Variants in ATP10B observed in about 807,000 individuals in gnomAD.
ATP10B encodes phospholipid-transporting ATPase VB.
Under a neutral mutation model 141.2 loss-of-function variants are expected in ATP10B, and 122 were observed. That is an observed-to-expected ratio of 0.86 (90% CI 0.75 to 1.00). The LOEUF (loss-of-function observed/expected upper bound fraction) is 1.00. Ranked by LOEUF, ATP10B falls within the 50% of genes least tolerant of loss-of-function variation. ATP10B has a pLI of 0.00. For synonymous variants in ATP10B, 685 were observed against 692.0 expected (o/e 0.99, Z 0.16); for missense variants, 1,876 against 1,825.3 (o/e 1.03, Z -0.51).
chr5:160,919,093 G>C, the ATP10B span, among the ~76,000 whole-genome samples: 1 of 149,702 alleles, frequency 6.7e-6, no homozygotes, highest in Non-Finnish European at 1.5e-5. Flanking sequence ...GCATGGTGGC[G>C]CGCACCTGTA....
intron 1 of ATP10B, among the ~76,000 whole-genome samples, chr5:160,816,016 T>C (rs1326773896): frequency 6.6e-6 from 1 of 151,786 alleles, no homozygotes; most frequent in African/African-American, 2.4e-5. Flanking sequence ...TAAAGCAGTG[T>C]GTAGAGGGAA....
At chr5:160,760,548 T>C (rs998490062) in intron 2 of ATP10B, among the ~76,000 whole-genome samples, 32 of 152,172 alleles carry the variant, frequency 2.1e-4, no homozygotes, top group African/African-American at 7.7e-4. Flanking sequence ...CTTTTCCAAT[T>C]AAGGTCATTA....
Position 160,687,914 on chromosome 5 carries a change from A to G in ATP10B, c.161T>C (p.Ile54Thr). Residue 54 changes from isoleucine (I) to threonine (T), a missense_variant, in exon 5 of 26, where the codon ATA (isoleucine) becomes ACA (threonine). Ile to Thr is a moderately conservative substitution (Grantham distance 89). Coordinates refer to ENST00000327245, the MANE Select transcript of ATP10B (RefSeq NM_025153.3). Reference protein sequence around the residue: ...QQRVVFPNNSIFHQDWEEVSR... With the variant: ...QQRVVFPNNSTFHQDWEEVSR... ...GACCTCTTCCCAATCTTGATGGAAT[A>G]TGCTGTTGTTGGGGAACACGACCCG... is the stretch of plus-strand genomic sequence containing the variant. The G allele has an allele frequency of 6.2e-7, 1 of 1,614,106 alleles. No individual in the cohort carries two copies. Among genetic ancestry groups the G allele is most frequent in the Non-Finnish European group, 8.5e-7 (1 of 1,180,014 alleles).
chr5:160,852,927 A>G (rs1753881201), upstream of ATP10B, among the ~76,000 whole-genome samples: 2 of 152,172 alleles, frequency 1.3e-5, no homozygotes, highest in African/African-American at 4.8e-5. Flanking sequence ...AATATTACCA[A>G]ACTTAGGAAT....
intron 7 of ATP10B, among the ~76,000 whole-genome samples, chr5:160,662,759 C>T (rs1200497745): frequency 6.6e-6 from 1 of 152,170 alleles, no homozygotes; most frequent in Non-Finnish European, 1.5e-5. Flanking sequence ...GTCTGAAACA[C>T]CAAAAGCAAT....
chr5:160,589,402 A>C (rs761579537), intron 24 of ATP10B, among the ~76,000 whole-genome samples, 190 bp downstream of exon 24: 8 of 152,254 alleles, frequency 5.3e-5, no homozygotes, highest in Non-Finnish European at 1.0e-4. Flanking sequence ...TGGCTAGATG[A>C]AAAGCAAGTT....
chr5:160,893,290 C>T, the ATP10B span, among the ~76,000 whole-genome samples: 1 of 152,184 alleles, frequency 6.6e-6, no homozygotes, highest in Non-Finnish European at 1.5e-5. Flanking sequence ...AAGCTAAGAT[C>T]TACTGGCTTG....
intron 1 of ATP10B, among the ~76,000 whole-genome samples, chr5:160,823,609 C>T (rs1774341654): frequency 2.0e-5 from 3 of 152,296 alleles, no homozygotes; most frequent in South Asian, 4.1e-4. Flanking sequence ...GTAATCCCAA[C>T]ACTTTGGGAG....
At chr5:160,619,680 G>T (rs1199104172) in intron 15 of ATP10B, among the ~76,000 whole-genome samples, 1 of 152,138 alleles carries the variant, frequency 6.6e-6, no homozygotes, top group African/African-American at 2.4e-5. Flanking sequence ...TAGCAATCAG[G>T]AAGCGGCTGC....
chr5:160,676,939 T>C (rs1018041267), intron 6 of ATP10B, among the ~76,000 whole-genome samples: 1 of 152,168 alleles, frequency 6.6e-6, no homozygotes, highest in African/African-American at 2.4e-5. Context: ...AGATGAGTGA[T>C]GGTGGTGGGA....
At chr5:160,590,736 G>A (rs548592478) in intron 23 of ATP10B, among the ~76,000 whole-genome samples, 40 of 152,334 alleles carry the variant, frequency 2.6e-4, no homozygotes, top group African/African-American at 9.4e-4. Context: ...TAAGACAAAG[G>A]GGAGTGGTAG....
At chr5:160,762,712 C>T (rs368639768) in intron 2 of ATP10B, among the ~76,000 whole-genome samples, 1 of 151,906 alleles carries the variant, frequency 6.6e-6, no homozygotes, top group Non-Finnish European at 1.5e-5. Flanking sequence ...CAGTACCTCA[C>T]ATCTCAATAC....
chr5:160,615,910 C>T lies in ATP10B; in HGVS notation c.2581G>A (p.Ala861Thr). Residue 861 changes from alanine (A) to threonine (T), a missense_variant, in exon 17 of 26, where the codon GCA becomes ACA. Ala to Thr is a moderately conservative substitution (Grantham distance 58). Transcript: ENST00000327245. ...RWASFRREAE[A>T]SLDNRDELLM... Reference sequence around the variant, plus strand: ...AGCTCATCTCGGTTGTCGAGGGATGCCTCAGCCTCACGCCGGAAACTGGCC... The same window carrying T: ...AGCTCATCTCGGTTGTCGAGGGATGTCTCAGCCTCACGCCGGAAACTGGCC... The T allele has an allele frequency of 1.2e-6, 2 of 1,613,844 alleles. No homozygotes were observed. The highest frequency in any genetic ancestry group is 1.7e-6 in the Non-Finnish European group (2 of 1,179,848).
At chr5:160,772,974 G>A (rs949001186) in intron 2 of ATP10B, among the ~76,000 whole-genome samples, 6 of 152,192 alleles carry the variant, frequency 3.9e-5, no homozygotes, top group South Asian at 2.1e-4. Flanking sequence ...AACCAACCAC[G>A]AAAACTATTC....
intron 2 of ATP10B, among the ~76,000 whole-genome samples, chr5:160,719,172 G>A (rs961418395): frequency 6.6e-6 from 1 of 152,146 alleles, no homozygotes; most frequent in Non-Finnish European, 1.5e-5. Flanking sequence ...AGGCTGAGAC[G>A]GGCGGATCAC....
Position 160,827,653 on chromosome 5 carries a change from G to A in ATP10B, c.-576+24288C>T, listed in dbSNP as rs564605309. On this transcript the variant is annotated intron_variant, in intron 1 of 25. Coordinates refer to ENST00000327245, the MANE Select transcript of ATP10B (RefSeq NM_025153.3). ...ACTTAGCCAAAAATTCTTTGCCAAA[G>A]CCAATGTTGAGAAGGGCATTTCCTA... 2.0e-4 allele frequency among the ~76,000 whole-genome samples: 31 copies of A among 152,252 alleles called. No homozygotes were observed. In the East Asian group the frequency reaches 6.0e-3, roughly 29 times the overall value.
At chr5:160,715,982 T>C (rs1252783598) in intron 3 of ATP10B, among the ~76,000 whole-genome samples, 2 of 152,114 alleles carry the variant, frequency 1.3e-5, no homozygotes, top group East Asian at 3.9e-4. Flanking sequence ...GTGCTGGGAT[T>C]ACAGGCATGA....
At chr5:160,617,396 C>A (rs1335069505) in intron 16 of ATP10B, among the ~76,000 whole-genome samples, 1 of 152,136 alleles carries the variant, frequency 6.6e-6, no homozygotes, top group African/African-American at 2.4e-5. Flanking sequence ...TGAACATATC[C>A]CTCATCACAG....
chr5:160,839,688 C>T (rs1210936957), intron 1 of ATP10B, among the ~76,000 whole-genome samples: 1 of 151,942 alleles, frequency 6.6e-6, no homozygotes, highest in Non-Finnish European at 1.5e-5. Context: ...AAAAGATTCT[C>T]AAATTGACCC....
Sources: allele counts gnomAD v4.1 joint callset (sites outside exome capture counted in the v4.1 genomes callset), GRCh38; gene constraint gnomAD v4.1.1; transcripts MANE v1.5; gene names NCBI Gene and HGNC (gene_info 2026-07-23, HGNC 2026-07-21).